DOT1L: variants seen among roughly 807,000 people sequenced by gnomAD.
The protein encoded by DOT1L is DOT1 like histone lysine methyltransferase, also known as histone-lysine N-methyltransferase, H3 lysine-79 specific.
Under a neutral mutation model 153.3 loss-of-function variants are expected in DOT1L, and 33 were observed. The observed-to-expected ratio is 0.22, with a 90% CI of 0.16 to 0.29. The LOEUF (loss-of-function observed/expected upper bound fraction) is 0.29, where lower values mean the gene tolerates loss of function less well. Among genes scored for constraint, DOT1L ranks in the 10% least tolerant of loss-of-function variants. The pLI, the probability that DOT1L is intolerant of heterozygous loss-of-function variation, is 1.00. For synonymous variants in DOT1L, 1,135 were observed against 965.1 expected (o/e 1.18, Z -3.26); for missense variants, 1,847 against 2,119.9 (o/e 0.87, Z 2.53).
rs1258730960 is a variant in DOT1L at position 2,200,986 on chromosome 19, GTCGTCCCCT to G, written c.707+1048_707+1056del. Among the ~76,000 whole-genome samples, 91 of 97,782 alleles carry G rather than the reference GTCGTCCCCT, an allele frequency of 9.3e-4. 9 individuals are homozygous for G. Among genetic ancestry groups the G allele is most frequent in the African/African-American group, 3.5e-3 (83 of 23,700 alleles). The allele number at this position is 97,782 out of a possible 152,430, so 64.1% of individuals were successfully genotyped here. On this transcript the variant is annotated intron_variant, in intron 8 of 27. Coordinates refer to ENST00000398665, the MANE Select transcript of DOT1L (RefSeq NM_032482.3). ...ATTCCTCGTCCTCCCCTCATTCCTC[GTCGTCCCCT>G]CATTCCTCGTCCTCCCCGCATTCCT...
intron 2 of DOT1L, among the ~76,000 whole-genome samples, chr19:2,182,836 G>A (rs1035362877): frequency 2.0e-5 from 3 of 152,328 alleles, no homozygotes; most frequent in East Asian, 1.9e-4. Context: ...GCCTTCTGCA[G>A]GGCTCGGAGC....
At chr19:2,165,391 C>A (rs921183338) in intron 1 of DOT1L, among the ~76,000 whole-genome samples, 5 of 152,166 alleles carry the variant, frequency 3.3e-5, no homozygotes, top group Non-Finnish European at 5.9e-5. Flanking sequence ...CGGGTCGGTG[C>A]GAGTGGATGG....
chr19:2,164,535 C>T (rs886901450), intron 1 of DOT1L: 1 of 285,678 alleles, frequency 3.5e-6, no homozygotes. Context: ...CCGGGCTGTC[C>T]CGGGCGCGGA....
intron 2 of DOT1L, among the ~76,000 whole-genome samples, chr19:2,181,856 T>G (rs958412849): frequency 5.3e-5 from 8 of 152,148 alleles, no homozygotes; most frequent in Admixed American, 2.6e-4. Context: ...TTTCTCTTGT[T>G]GCAGCTGGGG....
At chr19:2,166,167 G>T (rs2019913668) in intron 1 of DOT1L, among the ~76,000 whole-genome samples, 1 of 151,918 alleles carries the variant, frequency 6.6e-6, no homozygotes, top group Non-Finnish European at 1.5e-5. Context: ...TGCGATCTCG[G>T]CTCACTGAAA....
At chr19:2,213,012 G>A (rs77381182) in intron 16 of DOT1L, 4 of 152,586 alleles carry the variant, frequency 2.6e-5, no homozygotes, top group East Asian at 3.8e-4. Context: ...AGCTTACAGC[G>A]TGCTTTGAGC....
rs62122893 is a variant in DOT1L, at chr19:2,199,513, C to T, written c.652-371C>T. ...CCTGCCTCGGGGCGCCCCTGCTGGCCGCCTCTGGTCCTGAGAGTGGCTGCA... is the reference window on the plus strand; with the variant it reads ...CCTGCCTCGGGGCGCCCCTGCTGGCTGCCTCTGGTCCTGAGAGTGGCTGCA... On this transcript the variant is annotated intron_variant, in intron 7 of 27. Coordinates refer to ENST00000398665, the MANE Select transcript of DOT1L (RefSeq NM_032482.3). 6.8e-3 allele frequency among the ~76,000 whole-genome samples: 1,030 copies of T among 152,314 alleles called. 6 individuals are homozygous for T. Among genetic ancestry groups the T allele is most frequent in the Non-Finnish European group, 0.011 (767 of 68,010 alleles).
At chr19:2,221,486 G>A (rs2024110765) in intron 23 of DOT1L, 1 of 158,968 alleles carries the variant, frequency 6.3e-6, no homozygotes, top group Non-Finnish European at 1.4e-5. Flanking sequence ...TTGTCCCCGG[G>A]TGGTCATGGA....
chr19:2,223,547 A>G, intron 25 of DOT1L, 61 bp downstream of exon 25: 5 of 226,824 alleles, frequency 2.2e-5, no homozygotes, highest in Non-Finnish European at 4.2e-5. Context: ...GTGCCTGCTC[A>G]CTGTGTGTGT....
At chr19:2,178,415 ATTTTTTT>A (rs1174458033) in intron 1 of DOT1L, among the ~76,000 whole-genome samples, 2 of 128,366 alleles carry the variant, frequency 1.6e-5, no homozygotes, top group African/African-American at 3.0e-5. Flanking sequence ...TCACTTTGAA[ATTTTTTT>A]TTTTTTTTTT....
At chr19:2,216,914 A>G in intron 20 of DOT1L, 41 bp from the exon 21 acceptor site, 2 of 1,583,928 alleles carry the variant, frequency 1.3e-6, no homozygotes, top group Non-Finnish European at 1.7e-6. Context: ...TCTGAGTGCC[A>G]GCCCACGGCC....
intron 22 of DOT1L, among the ~76,000 whole-genome samples, chr19:2,218,584 G>C (rs1324845520): frequency 2.0e-5 from 3 of 151,702 alleles, no homozygotes; most frequent in Admixed American, 6.6e-5. Flanking sequence ...TAGTAGAGAT[G>C]GGGTTTCACC....
chr19:2,227,375 C>T (rs771263898), intron 27 of DOT1L: 2 of 712,898 alleles, frequency 2.8e-6, no homozygotes, highest in Admixed American at 2.0e-5. Context: ...GGCCACCGTG[C>T]GCAGGGCCAC....
At chr19:2,224,887 C>G (rs1202510398) in intron 25 of DOT1L, among the ~76,000 whole-genome samples, 2 of 152,214 alleles carry the variant, frequency 1.3e-5, no homozygotes, top group Non-Finnish European at 2.9e-5. Flanking sequence ...TAGTGGTTTC[C>G]AGGATCTTTA....
At chr19:2,224,537 G>A (rs2024252722) in intron 25 of DOT1L, among the ~76,000 whole-genome samples, 2 of 149,672 alleles carry the variant, frequency 1.3e-5, no homozygotes, top group Admixed American at 1.3e-4. Flanking sequence ...GCGCGATCTC[G>A]GCTCACTGAC....
chr19:2,200,779 T>TCATTCCTCGTCCTCCCCG lies in DOT1L; in HGVS notation c.707+858_707+875dup, dbSNP rs1196335569. ...CCTCCCCGCATTCTTCATCCTCCCC[T>TCATTCCTCGTCCTCCCCG]CATTCCTCGTCCTCCCCGCATTCCT... On this transcript the variant is annotated intron_variant, in intron 8 of 27. Transcript: ENST00000398665. Among the ~76,000 whole-genome samples the TCATTCCTCGTCCTCCCCG allele has an allele frequency of 1.1e-3, 136 of 128,338 alleles. 1 individual carries two copies. The highest frequency in any genetic ancestry group is 3.4e-3 in the African/African-American group (107 of 31,454). 84.2% of individuals were successfully genotyped at this position (128,338 alleles called of 152,430 possible). A position where few individuals can be genotyped will look rare whatever the true frequency, so the allele number is the denominator to read the frequency against.
At chr19:2,221,802 C>T (rs991910532) in intron 23 of DOT1L, 174 bp from the exon 24 acceptor site, 40 of 668,322 alleles carry the variant, frequency 6.0e-5, no homozygotes, top group African/African-American at 3.1e-4. Context: ...CTTGAGCTTG[C>T]CCACAGAGCC....
rs1450488496 is a variant in DOT1L, at chr19:2,186,071, C to G, written c.200+142C>G. ...TCCTTTTAGAGTTGGCCGTGGCCAC[C>G]ATAAAGTTATTTTGGTAGGAAATGT... On this transcript the variant is annotated intron_variant, in intron 3 of 27. Coordinates refer to ENST00000398665, the MANE Select transcript of DOT1L (RefSeq NM_032482.3). 5 of 788,358 alleles carry G rather than the reference C, an allele frequency of 6.3e-6. No homozygotes were observed. In the East Asian group the frequency reaches 9.9e-5, roughly 16 times the overall value. 48.8% of individuals were successfully genotyped at this position (788,358 alleles called of 1,614,324 possible). A position where few individuals can be genotyped will look rare whatever the true frequency, so the allele number is the denominator to read the frequency against.
At chr19:2,196,584 G>A (rs1471528535) in intron 7 of DOT1L, among the ~76,000 whole-genome samples, 2 of 152,180 alleles carry the variant, frequency 1.3e-5, no homozygotes, top group East Asian at 3.8e-4. Context: ...GCCTGCCTCT[G>A]CCTCCCAAAG....
Sources: allele counts gnomAD v4.1 joint callset (sites outside exome capture counted in the v4.1 genomes callset), GRCh38; gene constraint gnomAD v4.1.1; transcripts MANE v1.5; gene names NCBI Gene and HGNC (gene_info 2026-07-23, HGNC 2026-07-21).